The following PAK3 variants were observed in gnomAD, a reference collection of about 807,000 sequenced individuals.
The protein encoded by PAK3 is p21 (RAC1) activated kinase 3.
A neutral mutation model predicts 41.0 loss-of-function variants in PAK3; 4 were observed. That is an observed-to-expected ratio of 0.10 (90% CI 0.05 to 0.22). The LOEUF is 0.22. Ranked by LOEUF, PAK3 falls within the 10% of genes least tolerant of loss-of-function variation. PAK3 has a pLI of 1.00. For synonymous variants in PAK3, 146 were observed against 139.6 expected (o/e 1.05, Z -0.32); for missense variants, 205 against 409.9 (o/e 0.50, Z 4.32).
intron 10 of PAK3, 148 bp from the exon 11 acceptor site, chrX:111,172,870 G>A (rs2094361442): frequency 4.0e-6 from 2 of 500,266 alleles, no homozygotes; most frequent in Non-Finnish European, 3.7e-6. Context: ...TCCCATGGGA[G>A]TATTTGTCTA....
chrX:110,999,923 G>T (rs998737092), intron 1 of PAK3, among the ~76,000 whole-genome samples: 2 of 111,312 alleles, frequency 1.8e-5, no homozygotes, highest in African/African-American at 6.5e-5. Context: ...AGCTAAGATC[G>T]CGCCACTACA....
intron 4 of PAK3, among the ~76,000 whole-genome samples, chrX:111,106,685 C>T (rs767486411): frequency 8.9e-6 from 1 of 111,956 alleles, no homozygotes; most frequent in Non-Finnish European, 1.9e-5. Context: ...CTGACACACA[C>T]ACACGGATAC....
chrX:111,096,869 T>TACACACACAC (rs771301130), intron 1 of PAK3: 9,714 of 72,059 alleles, frequency 0.13, 917 homozygotes, highest in Admixed American at 0.18. Flanking sequence ...CCCCGCCCCT[T>TACACACACAC]ACACACACAC....
intron 10 of PAK3, among the ~76,000 whole-genome samples, chrX:111,167,661 G>A (rs148330499): frequency 5.8e-4 from 62 of 106,445 alleles, no homozygotes; most frequent in African/African-American, 2.0e-3. Flanking sequence ...ACTCGTAAGT[G>A]GGAGTTGAAC....
intron 16 of PAK3, among the ~76,000 whole-genome samples, chrX:111,215,936 G>A (rs1465720882): frequency 8.9e-6 from 1 of 111,991 alleles, no homozygotes; most frequent in Admixed American, 9.5e-5. Context: ...ATTCTATAAT[G>A]TACTCTCTTC....
chrX:111,202,963 A>T (rs1216559157), intron 16 of PAK3, among the ~76,000 whole-genome samples: 4 of 112,029 alleles, frequency 3.6e-5, no homozygotes, highest in African/African-American at 1.3e-4. Context: ...TATCACTGCT[A>T]AAAACAATAT....
At chrX:111,152,383 A>C in intron 7 of PAK3, 27 bp from the exon 8 acceptor site, 1 of 1,094,300 alleles carries the variant, frequency 9.1e-7, no homozygotes, top group Non-Finnish European at 1.3e-6. Flanking sequence ...ATGAAACAAA[A>C]ATGACCTCTC....
chrX:110,964,024 A>C (rs2091033628), intron 1 of PAK3, among the ~76,000 whole-genome samples: 1 of 111,977 alleles, frequency 8.9e-6, no homozygotes. Flanking sequence ...GAAGAAAAAT[A>C]ATAATAAGAG....
chrX:110,948,754 T>C (rs1174882807), intron 1 of PAK3, among the ~76,000 whole-genome samples: 2 of 111,469 alleles, frequency 1.8e-5, no homozygotes, highest in Non-Finnish European at 3.8e-5. Context: ...TACTCTATAC[T>C]CAGATTAGCT....
intron 10 of PAK3, among the ~76,000 whole-genome samples, chrX:111,170,990 C>G (rs1457350209): frequency 9.0e-6 from 1 of 110,771 alleles, no homozygotes; most frequent in African/African-American, 3.3e-5. Context: ...CAAAATCACT[C>G]TGATATAGGG....
chrX:110,959,532 G>GT (rs2090935270), intron 1 of PAK3, among the ~76,000 whole-genome samples: 1 of 111,875 alleles, frequency 8.9e-6, no homozygotes, highest in African/African-American at 3.3e-5. Context: ...CACCTGGGGA[G>GT]TTTTTTAACG....
chrX:110,978,770 T>C (rs950631197), intron 1 of PAK3, among the ~76,000 whole-genome samples: 1 of 109,669 alleles, frequency 9.1e-6, no homozygotes, highest in African/African-American at 3.3e-5. Flanking sequence ...TCTCTTTCTT[T>C]CTTTCCTTCT....
intron 1 of PAK3, among the ~76,000 whole-genome samples, chrX:111,036,542 C>T (rs2092400821): frequency 8.9e-6 from 1 of 111,880 alleles, no homozygotes; most frequent in African/African-American, 3.3e-5. Flanking sequence ...AGAACTCACT[C>T]TCACGAGAAC....
chrX:111,156,674 T>C (rs1013283678), intron 8 of PAK3, among the ~76,000 whole-genome samples: 2 of 111,785 alleles, frequency 1.8e-5, no homozygotes, highest in Non-Finnish European at 3.8e-5. Flanking sequence ...TTTAGTAGCC[T>C]GGGTGAGAAT....
intron 1 of PAK3, among the ~76,000 whole-genome samples, chrX:111,073,693 A>G (rs1481260935): frequency 1.8e-5 from 2 of 112,123 alleles, no homozygotes; most frequent in African/African-American, 6.5e-5. Context: ...AATGGTGAGT[A>G]AAGACATTGA....
chrX:111,039,443 G>T (rs1038850900), intron 1 of PAK3, among the ~76,000 whole-genome samples: 4 of 111,712 alleles, frequency 3.6e-5, no homozygotes, highest in Admixed American at 9.5e-5. Flanking sequence ...AGCTGTACTT[G>T]CATCTGCCAT....
intron 11 of PAK3, among the ~76,000 whole-genome samples, chrX:111,174,372 G>A (rs1045929789): frequency 9.0e-6 from 1 of 110,851 alleles, no homozygotes; most frequent in African/African-American, 3.3e-5. Flanking sequence ...GACCCTAAGG[G>A]GGACAGAAAC....
chrX:111,065,556 G>T (rs2092696306), intron 1 of PAK3, among the ~76,000 whole-genome samples: 1 of 111,076 alleles, frequency 9.0e-6, no homozygotes, highest in Admixed American at 9.6e-5. Flanking sequence ...GGATATCAGG[G>T]TGATGTTTGC....
intron 1 of PAK3, among the ~76,000 whole-genome samples, chrX:110,991,954 A>G (rs1281116182): frequency 8.9e-6 from 1 of 111,779 alleles, no homozygotes; most frequent in Non-Finnish European, 1.9e-5. Flanking sequence ...AGTATGGAAA[A>G]CAAAATAATA....
Sources: allele counts gnomAD v4.1 joint callset (sites outside exome capture counted in the v4.1 genomes callset), GRCh38; gene constraint gnomAD v4.1.1; transcripts MANE v1.5; gene names NCBI Gene and HGNC (gene_info 2026-07-23, HGNC 2026-07-21).